Variants in APIP observed in about 807,000 individuals in gnomAD.
The protein encoded by APIP is methylthioribulose-1-phosphate dehydratase.
Under a neutral mutation model 32.0 loss-of-function variants are expected in APIP, and 32 were observed. The observed-to-expected ratio is 1.00, with a 90% CI of 0.76 to 1.34. The LOEUF (loss-of-function observed/expected upper bound fraction) is 1.34, where lower values mean the gene tolerates loss of function less well. APIP is among the 40% of genes most tolerant of loss of function. APIP has a pLI of 0.00. For synonymous variants in APIP, 92 were observed against 94.8 expected, an observed-to-expected ratio of 0.97 and a Z score of 0.17; for missense variants, 247 against 298.6, an observed-to-expected ratio of 0.83 and a Z score of 1.27.
chr11:34,885,125 ATATACCTATATAATG>A (rs1271354913), intron 5 of APIP, among the ~76,000 whole-genome samples: 3 of 148,292 alleles, frequency 2.0e-5, no homozygotes, highest in Admixed American at 6.8e-5. Flanking sequence ...TATATATTAT[ATATACCTATATAATG>A]TATACCTATA....
At chr11:34,913,907 T>C (rs999417163) in intron 1 of APIP, among the ~76,000 whole-genome samples, 24 of 152,170 alleles carry the variant, frequency 1.6e-4, no homozygotes, top group Non-Finnish European at 1.0e-4. Flanking sequence ...TACCTCTCAC[T>C]AGCTTTTCTC....
At chr11:34,884,733 A>AACC (rs1554979767) in intron 5 of APIP, among the ~76,000 whole-genome samples, 64 of 151,744 alleles carry the variant, frequency 4.2e-4, no homozygotes, top group Non-Finnish European at 8.1e-4. Context: ...CAAAAAAAAA[A>AACC]GAAAAAAGTA....
intron 1 of APIP, among the ~76,000 whole-genome samples, chr11:34,895,886 A>C (rs1053198049): frequency 1.8e-4 from 27 of 151,986 alleles, no homozygotes; most frequent in Non-Finnish European, 2.6e-4. Flanking sequence ...TAAATAAATA[A>C]ATGAAGAAGA....
At chr11:34,907,817 A>G (rs1401632620) in intron 1 of APIP, among the ~76,000 whole-genome samples, 1 of 152,218 alleles carries the variant, frequency 6.6e-6, no homozygotes, top group African/African-American at 2.4e-5. Context: ...AGCATTTTGT[A>G]TATATCAAAA....
rs111869097 is a variant in APIP at position 34,900,560 on chromosome 11, A to G, written c.58-5450T>C. Among the ~76,000 whole-genome samples the G allele has an allele frequency of 2.6e-3, 393 of 152,272 alleles. 4 individuals carry two copies. Among genetic ancestry groups the G allele is most frequent in the African/African-American group, 9.0e-3 (372 of 41,500 alleles). Reference sequence around the variant, plus strand: ...TTAACTCAGGTATTTGACCTCACATAGAGGGATGTTACGTTGCTGCTACGT... The same window carrying G: ...TTAACTCAGGTATTTGACCTCACATGGAGGGATGTTACGTTGCTGCTACGT... On this transcript the variant is annotated intron_variant, in intron 1 of 6. Transcript: ENST00000395787.
Position 34,882,622 on chromosome 11 carries a change from C to A in APIP, c.*95G>T. The A allele has an allele frequency of 1.1e-6, 1 of 905,546 alleles. No homozygotes were observed. Among genetic ancestry groups the A allele is most frequent in the East Asian group, 2.8e-5 (1 of 36,186 alleles). The allele number at this position is 905,546 out of a possible 1,614,324, so 56.1% of individuals were successfully genotyped here. A position where few individuals can be genotyped will look rare whatever the true frequency, so the allele number is the denominator to read the frequency against. On this transcript the variant is annotated 3_prime_UTR_variant, in exon 7 of 7. Transcript: ENST00000395787. Reference sequence around the variant, plus strand: ...GTATTTAGTGGCAAATTAGTAGCATCATGAAAAATTTCAATTCATTTAAAA... The same window carrying A: ...GTATTTAGTGGCAAATTAGTAGCATAATGAAAAATTTCAATTCATTTAAAA...
chr11:34,914,999 G>C (rs1157330151), intron 1 of APIP, among the ~76,000 whole-genome samples: 1 of 53,772 alleles, frequency 1.9e-5, no homozygotes, highest in African/African-American at 8.5e-5. Flanking sequence ...AGCAAAACGT[G>C]TCAAAAAAAA....
intron 1 of APIP, among the ~76,000 whole-genome samples, chr11:34,897,403 C>T (rs1158984101): frequency 1.3e-5 from 2 of 152,154 alleles, no homozygotes; most frequent in Admixed American, 6.5e-5. Flanking sequence ...ATGCAGTCAG[C>T]ATGAAATCTG....
At chr11:34,902,839 C>T (rs147323772) in intron 1 of APIP, among the ~76,000 whole-genome samples, 87 of 152,180 alleles carry the variant, frequency 5.7e-4, no homozygotes, top group African/African-American at 2.1e-3. Flanking sequence ...AACACAGGCC[C>T]GAGGACCAGC....
chr11:34,890,694 TAGAA>T (rs1853173042), intron 2 of APIP, 142 bp from the exon 3 acceptor site: 3 of 812,980 alleles, frequency 3.7e-6, no homozygotes, highest in Admixed American at 5.9e-5. Flanking sequence ...TTTGGCTGCA[TAGAA>T]AGAAAGCCAA....
chr11:34,913,886 C>T (rs55957800), intron 1 of APIP, among the ~76,000 whole-genome samples: 33,792 of 152,120 alleles, frequency 0.22, 4,930 homozygotes, highest in Non-Finnish European at 0.34. Context: ...GACCCAGAAG[C>T]CCAGCGGCTT....
At chr11:34,909,207 G>A (rs1473062189) in intron 1 of APIP, among the ~76,000 whole-genome samples, 2 of 152,128 alleles carry the variant, frequency 1.3e-5, no homozygotes, top group African/African-American at 4.8e-5. Flanking sequence ...CTGAGTAGCT[G>A]AGTGGATGAT....
chr11:34,887,647 G>T (rs1434104654), intron 5 of APIP, among the ~76,000 whole-genome samples: 1 of 152,230 alleles, frequency 6.6e-6, no homozygotes, highest in Middle Eastern at 3.4e-3. Flanking sequence ...GAAGGTTCAG[G>T]AATGAGAATG....
chr11:34,902,059 C>G (rs1361725707), intron 1 of APIP, among the ~76,000 whole-genome samples: 1 of 152,202 alleles, frequency 6.6e-6, no homozygotes, highest in Non-Finnish European at 1.5e-5. Flanking sequence ...GCTGTAGTTC[C>G]AATGCATCCA....
At position 34,905,225 on chromosome 11, in the gene APIP, A is replaced by G. The variant is rs190826519; in HGVS notation, c.58-10115T>C. On this transcript the variant is annotated intron_variant, in intron 1 of 6. Coordinates refer to ENST00000395787, the MANE Select transcript of APIP (RefSeq NM_015957.4). Reference sequence around the variant, plus strand: ...TGAGCGTTTTACTATCACTCAGTCTATTAGGACTTTTTATCGGACTTAGTA... The same window carrying G: ...TGAGCGTTTTACTATCACTCAGTCTGTTAGGACTTTTTATCGGACTTAGTA... Among the ~76,000 whole-genome samples, 27 of 152,354 alleles carry G rather than the reference A, an allele frequency of 1.8e-4. No homozygotes were observed. In the East Asian group the frequency reaches 5.0e-3, roughly 28 times the overall value.
At chr11:34,890,625 A>C (rs1422249247) in intron 2 of APIP, 73 bp from the exon 3 acceptor site, 1 of 1,481,114 alleles carries the variant, frequency 6.8e-7, no homozygotes, top group Admixed American at 1.7e-5. Context: ...TTGCAGTCCA[A>C]TCATGCATGT....
rs372963910 is a variant in APIP, at chr11:34,895,328, G to A, written c.58-218C>T. On this transcript the variant is annotated intron_variant, in intron 1 of 6. Coordinates refer to ENST00000395787, the MANE Select transcript of APIP (RefSeq NM_015957.4). Reference sequence around the variant, plus strand: ...GGCAACCTGGGAGTATTCGGTATAGGGCCATATAGTCCAACACTAAGGAAC... The same window carrying A: ...GGCAACCTGGGAGTATTCGGTATAGAGCCATATAGTCCAACACTAAGGAAC... 2.0e-5 allele frequency among the ~76,000 whole-genome samples: 3 copies of A among 152,238 alleles called. No homozygotes were observed. The South Asian group carries it at 6.2e-4, about 32-fold the overall frequency.
chr11:34,890,560 C>T lies in APIP; in HGVS notation c.159-8G>A, dbSNP rs989210448. Reference sequence around the variant, plus strand: ...GCAATGTAGATTTCATCGCTGGCAACACAAAACATACAAATTGGTATTTAT... The same window carrying T: ...GCAATGTAGATTTCATCGCTGGCAATACAAAACATACAAATTGGTATTTAT... On this transcript the variant is annotated splice_polypyrimidine_tract_variant and splice_region_variant and intron_variant, in intron 2 of 6. Transcript: ENST00000395787. The T allele has an allele frequency of 1.2e-6, 2 of 1,608,990 alleles. No homozygotes were observed. Among genetic ancestry groups the T allele is most frequent in the African/African-American group, 1.3e-5 (1 of 74,736 alleles).
chr11:34,896,603 A>C (rs903895567), intron 1 of APIP, among the ~76,000 whole-genome samples: 1 of 152,212 alleles, frequency 6.6e-6, no homozygotes, highest in Non-Finnish European at 1.5e-5. Context: ...GGATAGCATT[A>C]GGAGAAATAC....
Sources: gnomAD v4.1 joint callset for allele counts (sites outside exome capture counted in the v4.1 genomes callset) on GRCh38, gnomAD v4.1.1 for gene constraint, MANE v1.5 for transcripts, NCBI Gene and HGNC (gene_info 2026-07-23, HGNC 2026-07-21) for gene names.